PTH2R: variants seen among roughly 807,000 people sequenced by gnomAD.
PTH2R encodes the protein parathyroid hormone 2 receptor.
PTH2R carries 59 observed loss-of-function variants against 60.3 expected under a neutral mutation model. The ratio of observed to expected loss-of-function variants is 0.98; its 90% CI spans 0.79 to 1.22. PTH2R has a LOEUF of 1.22. Among genes scored for constraint, PTH2R ranks in the 50% most tolerant of loss-of-function variants. PTH2R has a pLI of 0.00. For synonymous variants in PTH2R, 256 were observed against 243.8 expected, an observed-to-expected ratio of 1.05 and a Z score of -0.47; for missense variants, 749 against 682.6, an observed-to-expected ratio of 1.10 and a Z score of -1.08.
intron 1 of PTH2R, among the ~76,000 whole-genome samples, chr2:208,377,478 G>A (rs1168628543): frequency 6.7e-6 from 1 of 149,368 alleles, no homozygotes; most frequent in Non-Finnish European, 1.5e-5. Context: ...CCTCCCGGAT[G>A]GGGCGGCGGC....
chr2:208,451,591 C>T (rs1364022904), intron 8 of PTH2R, among the ~76,000 whole-genome samples: 5 of 152,122 alleles, frequency 3.3e-5, no homozygotes, highest in African/African-American at 7.2e-5. Context: ...GTTTAACACA[C>T]GTGTGGTCTA....
chr2:208,444,188 C>G (rs144304293), intron 6 of PTH2R, among the ~76,000 whole-genome samples: 1 of 152,230 alleles, frequency 6.6e-6, no homozygotes, highest in African/African-American at 2.4e-5. Flanking sequence ...AGGAAGTGGA[C>G]GCAATAGTGT....
intron 9 of PTH2R, among the ~76,000 whole-genome samples, chr2:208,461,211 A>G (rs182800068): frequency 9.9e-5 from 15 of 152,268 alleles, no homozygotes; most frequent in African/African-American, 3.6e-4. Flanking sequence ...TCGATTATGG[A>G]TGAATGCATG....
At chr2:208,478,861 T>C (rs1319986573) in intron 9 of PTH2R, among the ~76,000 whole-genome samples, 2 of 152,160 alleles carry the variant, frequency 1.3e-5, no homozygotes, top group African/African-American at 4.8e-5. Context: ...AGGTTCCTCA[T>C]CTGTGAAATG....
At chr2:208,440,609 T>C (rs1016418473) in intron 4 of PTH2R, among the ~76,000 whole-genome samples, 10 of 152,050 alleles carry the variant, frequency 6.6e-5, no homozygotes, top group African/African-American at 1.7e-4. Context: ...GCCCTTCCTA[T>C]GAGAGAAGAG....
intron 9 of PTH2R, among the ~76,000 whole-genome samples, chr2:208,480,182 A>G (rs951193071): frequency 5.3e-5 from 8 of 152,180 alleles, no homozygotes; most frequent in African/African-American, 1.7e-4. Context: ...TCTAGAAATG[A>G]TTGAGGATTC....
chr2:208,395,197 G>A lies in PTH2R; in HGVS notation c.-258-33004G>A, dbSNP rs189916314. On this transcript the variant is annotated intron_variant, in intron 1 of 12. Transcript: ENST00000617735. ...GCAGTAGCTGGGACTACATGCGCCC[G>A]CCACCATGCCTGGCTAATTTTTTGT... Among the ~76,000 whole-genome samples the A allele has an allele frequency of 4.4e-3, 664 of 152,026 alleles. 5 individuals are homozygous for A. Among genetic ancestry groups the A allele is most frequent in the African/African-American group, 0.014 (590 of 41,460 alleles).
intron 1 of PTH2R, among the ~76,000 whole-genome samples, chr2:208,407,904 C>T (rs1221486066): frequency 6.6e-6 from 1 of 152,148 alleles, no homozygotes; most frequent in African/African-American, 2.4e-5. Flanking sequence ...GGGGGTGCAC[C>T]TAGACCGTCA....
intron 1 of PTH2R, among the ~76,000 whole-genome samples, chr2:208,390,314 G>A (rs1414660349): frequency 5.9e-5 from 9 of 152,236 alleles, no homozygotes; most frequent in African/African-American, 1.9e-4. Flanking sequence ...ATGTTCTCCT[G>A]AGAGGAGTTA....
At chr2:208,418,493 C>T (rs538781860) in intron 1 of PTH2R, among the ~76,000 whole-genome samples, 1 of 151,526 alleles carries the variant, frequency 6.6e-6, no homozygotes, top group African/African-American at 2.4e-5. Context: ...AAATATCATT[C>T]CAGCAAATAC....
chr2:208,421,345 C>T (rs974111084), intron 1 of PTH2R, among the ~76,000 whole-genome samples: 5 of 151,186 alleles, frequency 3.3e-5, no homozygotes, highest in African/African-American at 1.2e-4. Context: ...CTTAAGAAGC[C>T]AAGACATTTT....
intron 1 of PTH2R, among the ~76,000 whole-genome samples, chr2:208,389,855 T>C (rs757344628): frequency 5.3e-5 from 8 of 151,996 alleles, no homozygotes; most frequent in Non-Finnish European, 8.8e-5. Context: ...TACTACAACC[T>C]AGACAAACAT....
Position 208,428,229 on chromosome 2 carries a change from A to G in PTH2R, c.104A>G (p.Glu35Gly). The change falls in exon 2 of 13, where the codon GAG (glutamate) becomes GGG (glycine). Residue 35 changes from glutamate (E) to glycine (G), a missense_variant. Coordinates refer to ENST00000272847, the MANE Select transcript of PTH2R (RefSeq NM_005048.4). ...GATTCTGATGGCACCATTACTATAG[A>G]GGAGCAGATTGTCCTTGTGCTGAAA... ...QLDSDGTITIEEQIVLVLKAK... is the reference protein window; with the variant it reads ...QLDSDGTITIGEQIVLVLKAK... 6.2e-7 allele frequency: 1 copy of G among 1,613,348 alleles called. No individual in the cohort carries two copies. Among genetic ancestry groups the G allele is most frequent in the Non-Finnish European group, 8.5e-7 (1 of 1,179,490 alleles).
chr2:208,369,362 C>CTT (rs1301290787), intron 1 of PTH2R, among the ~76,000 whole-genome samples: 48 of 128,314 alleles, frequency 3.7e-4, no homozygotes, highest in African/African-American at 1.4e-3. Context: ...CAACACTGGT[C>CTT]TCTCTCTCTT....
At chr2:208,363,102 GGT>G (rs994432420) in intron 1 of PTH2R, among the ~76,000 whole-genome samples, 1 of 152,012 alleles carries the variant, frequency 6.6e-6, no homozygotes, top group Non-Finnish European at 1.5e-5. Context: ...ATGGGGGTTT[GGT>G]GTACAGATTA....
chr2:208,394,877 TAATC>T (rs1190789954), intron 1 of PTH2R, among the ~76,000 whole-genome samples: 1 of 152,126 alleles, frequency 6.6e-6, no homozygotes, highest in Non-Finnish European at 1.5e-5. Context: ...AGTACTGTCT[TAATC>T]AGAGACAGAA....
chr2:208,366,469 A>G (rs1196699237), intron 1 of PTH2R, among the ~76,000 whole-genome samples: 4 of 152,130 alleles, frequency 2.6e-5, no homozygotes, highest in African/African-American at 4.8e-5. Flanking sequence ...TCACCTTGCA[A>G]TACCCTTGTC....
intron 9 of PTH2R, among the ~76,000 whole-genome samples, chr2:208,465,836 T>C (rs998447552): frequency 6.6e-6 from 1 of 152,198 alleles, no homozygotes; most frequent in Non-Finnish European, 1.5e-5. Context: ...TGGAATTTAC[T>C]GTATGATAAA....
chr2:208,480,726 T>A (rs891970188), intron 9 of PTH2R, among the ~76,000 whole-genome samples: 1 of 152,234 alleles, frequency 6.6e-6, no homozygotes, highest in Admixed American at 6.5e-5. Flanking sequence ...GAGAATTCAT[T>A]TTAAAGAGGA....
Sources: allele counts gnomAD v4.1 joint callset (sites outside exome capture counted in the v4.1 genomes callset), GRCh38; gene constraint gnomAD v4.1.1; transcripts MANE v1.5; gene names NCBI Gene and HGNC (gene_info 2026-07-23, HGNC 2026-07-21).